The following SS18L1 variants were observed in gnomAD, a reference collection of about 807,000 sequenced individuals.
SS18L1 encodes SS18L1 subunit of BAF chromatin remodeling complex.
A neutral mutation model predicts 70.3 loss-of-function variants in SS18L1; 32 were observed. The ratio of observed to expected loss-of-function variants is 0.46; its 90% CI spans 0.34 to 0.61. SS18L1 has a LOEUF of 0.61. SS18L1 is among the 20% of genes least tolerant of loss of function. The pLI, the probability that SS18L1 is intolerant of heterozygous loss-of-function variation, is 0.01. For synonymous variants in SS18L1, 237 were observed against 229.7 expected (o/e 1.03, Z -0.29); for missense variants, 430 against 542.1 (o/e 0.79, Z 2.05).
Position 62,179,364 on chromosome 20 carries a change from G to A in SS18L1, c.*156G>A, listed in dbSNP as rs376772983. ...GTGCTCATTTCATGCTGGGTATGAC[G>A]CCGAGCGCACACCACTGGCGTGAGA... is the stretch of plus-strand genomic sequence containing the variant. On this transcript the variant is annotated 3_prime_UTR_variant, in exon 11 of 11. Transcript: ENST00000331758. 7 of 781,498 alleles carry A rather than the reference G, an allele frequency of 9.0e-6. No individual in the cohort carries two copies. The highest frequency in any genetic ancestry group is 2.6e-5 in the East Asian group (1 of 38,292). The allele number at this position is 781,498 out of a possible 1,614,324, so 48.4% of individuals were successfully genotyped here.
chr20:62,163,054 C>G, intron 5 of SS18L1, 123 bp downstream of exon 5: 1 of 1,335,008 alleles, frequency 7.5e-7, no homozygotes, highest in Non-Finnish European at 1.0e-6. Flanking sequence ...AGGGGAGGGG[C>G]CCGTGAATCG....
rs74893564 is a variant in SS18L1, at chr20:62,167,397, GA to G, written c.916+1899del. Among the ~76,000 whole-genome samples, 737 of 122,152 alleles carry G rather than the reference GA, an allele frequency of 6.0e-3. 5 individuals carry two copies. The highest frequency in any genetic ancestry group is 0.014 in the African/African-American group (462 of 33,984). 80.1% of individuals were successfully genotyped at this position (122,152 alleles called of 152,430 possible). A position where few individuals can be genotyped will look rare whatever the true frequency, so the allele number is the denominator to read the frequency against. On this transcript the variant is annotated intron_variant, in intron 8 of 10. Transcript: ENST00000331758. ...AACATGGCAAAACCCTTTCTCTCCCGAAAAAAAAAAAAAAAATGCCGGGCGT... is the reference window on the plus strand; with the variant it reads ...AACATGGCAAAACCCTTTCTCTCCCGAAAAAAAAAAAAAAATGCCGGGCGT...
chr20:62,149,281 G>A (rs929299494), intron 1 of SS18L1, among the ~76,000 whole-genome samples: 2 of 152,240 alleles, frequency 1.3e-5, no homozygotes, highest in Non-Finnish European at 2.9e-5. Context: ...AGGTCTTCCC[G>A]CCTGGTTCGG....
chr20:62,156,115 G>A (rs1211379805), intron 1 of SS18L1, among the ~76,000 whole-genome samples: 1 of 152,142 alleles, frequency 6.6e-6, no homozygotes, highest in African/African-American at 2.4e-5. Context: ...GCACACCCGC[G>A]GGGCTCTGCC....
chr20:62,162,028 C>T (rs2057339471), intron 4 of SS18L1, among the ~76,000 whole-genome samples: 1 of 152,052 alleles, frequency 6.6e-6, no homozygotes, highest in Non-Finnish European at 1.5e-5. Context: ...TGAGACCAGC[C>T]TGGGCAATAT....
At chr20:62,155,770 G>A (rs181874885) in intron 1 of SS18L1, among the ~76,000 whole-genome samples, 2 of 152,284 alleles carry the variant, frequency 1.3e-5, no homozygotes. Context: ...GCACAGTGTG[G>A]CTCAGGCCAG....
At position 62,182,461 on chromosome 20, in the gene SS18L1, T is replaced by C. The variant is rs913902782; in HGVS notation, c.*3253T>C. The C allele has an allele frequency of 2.1e-5, 4 of 189,588 alleles. No individual in the cohort carries two copies. Among genetic ancestry groups the C allele is most frequent in the African/African-American group, 9.3e-5 (4 of 42,804 alleles). 11.7% of individuals were successfully genotyped at this position (189,588 alleles called of 1,614,324 possible). ...TGTTTATGCTTTTGGTGTAATCTCT[T>C]AATAAACTGGTTCTTCAAAAATCAT... On this transcript the variant is annotated 3_prime_UTR_variant, in exon 11 of 11. Transcript: ENST00000331758.
At chr20:62,144,966 C>T (rs1392048198) in intron 1 of SS18L1, among the ~76,000 whole-genome samples, 1 of 152,244 alleles carries the variant, frequency 6.6e-6, no homozygotes, top group Non-Finnish European at 1.5e-5. Context: ...GCTGTTATTC[C>T]TTGATGACGT....
chr20:62,175,548 G>A, intron 10 of SS18L1: 1 of 682,778 alleles, frequency 1.5e-6, no homozygotes, highest in South Asian at 6.5e-5. Context: ...ATATGAAGGA[G>A]AATGGTCTGG....
At chr20:62,150,442 C>T (rs1177416577) in intron 1 of SS18L1, among the ~76,000 whole-genome samples, 2 of 152,144 alleles carry the variant, frequency 1.3e-5, no homozygotes, top group East Asian at 1.9e-4. Flanking sequence ...CCAGGCTGGT[C>T]CCCCTCACAC....
At chr20:62,170,003 G>A (rs1410733265) in intron 8 of SS18L1, among the ~76,000 whole-genome samples, 2 of 152,210 alleles carry the variant, frequency 1.3e-5, no homozygotes, top group South Asian at 2.1e-4. Flanking sequence ...TGCTGGGGCC[G>A]CCTTGGCTGC....
chr20:62,144,104 C>T (rs12481430), intron 1 of SS18L1, among the ~76,000 whole-genome samples: 1 of 150,264 alleles, frequency 6.7e-6, no homozygotes, highest in African/African-American at 2.4e-5. Context: ...CCCGGAGAGC[C>T]TGCGCCAACT....
At chr20:62,152,572 A>G (rs898980433) in intron 1 of SS18L1, among the ~76,000 whole-genome samples, 13 of 152,364 alleles carry the variant, frequency 8.5e-5, no homozygotes, top group Non-Finnish European at 1.2e-4. Context: ...ACAAGTGCAC[A>G]TCAGGAAGCT....
intron 1 of SS18L1, among the ~76,000 whole-genome samples, chr20:62,146,834 G>T (rs1227752212): frequency 1.3e-5 from 2 of 151,898 alleles, no homozygotes; most frequent in Non-Finnish European, 2.9e-5. Flanking sequence ...GGCCAGGCTG[G>T]TCTTGAACTC....
intron 10 of SS18L1, among the ~76,000 whole-genome samples, chr20:62,178,791 C>T (rs1324838720): frequency 6.6e-6 from 1 of 152,162 alleles, no homozygotes; most frequent in East Asian, 1.9e-4. Flanking sequence ...TAGATTGAAA[C>T]CCATCACCCT....
At chr20:62,151,503 C>G (rs2057128979) in intron 1 of SS18L1, among the ~76,000 whole-genome samples, 1 of 152,214 alleles carries the variant, frequency 6.6e-6, no homozygotes, top group Admixed American at 6.5e-5. Context: ...GGCCACCCCT[C>G]AGAGCCTGAG....
In SS18L1 at chr20:62,158,536, A is replaced by G; in HGVS notation, c.70-136A>G. On this transcript the variant is annotated intron_variant, in intron 1 of 10. Transcript: ENST00000331758. This position sits in a 1 kb window ranked among gnomAD's most constrained non-coding sequence, Gnocchi z 4.5. ...CTAATACAGATATCCCCAAATCTGGAAAAATCTGAAATCTGACACGTTTCA... is the reference window on the plus strand; with the variant it reads ...CTAATACAGATATCCCCAAATCTGGGAAAATCTGAAATCTGACACGTTTCA... 1.4e-6 allele frequency: 2 copies of G among 1,408,624 alleles called. No individual in the cohort carries two copies. The highest frequency in any genetic ancestry group is 2.5e-5 in the East Asian group (1 of 39,886). 87.3% of individuals were successfully genotyped at this position (1,408,624 alleles called of 1,614,324 possible).
intron 1 of SS18L1, among the ~76,000 whole-genome samples, chr20:62,156,339 G>A (rs2057222668): frequency 6.6e-6 from 1 of 152,174 alleles, no homozygotes; most frequent in Admixed American, 6.5e-5. Flanking sequence ...TGGAATGCTG[G>A]CGCCTGGCAG....
Position 62,179,306 on chromosome 20 carries a change from C to G in SS18L1, c.*98C>G, listed in dbSNP as rs900808512. On this transcript the variant is annotated 3_prime_UTR_variant, in exon 11 of 11. Transcript: ENST00000331758. ...TGGTGAATTGTGACATGTTGGTTAC[C>G]TGTTCGCCCAGTGCCACGTCTGCAT... is the stretch of plus-strand genomic sequence containing the variant. 2 of 1,417,120 alleles carry G rather than the reference C, an allele frequency of 1.4e-6. No homozygotes were observed. The highest frequency in any genetic ancestry group is 2.8e-5 in the African/African-American group (2 of 71,052). The allele number at this position is 1,417,120 out of a possible 1,614,324, so 87.8% of individuals were successfully genotyped here.
Sources: allele counts gnomAD v4.1 joint callset (sites outside exome capture counted in the v4.1 genomes callset), GRCh38; gene constraint gnomAD v4.1.1; non-coding constraint Gnocchi (gnomAD v3.1); transcripts MANE v1.5; gene names NCBI Gene and HGNC (gene_info 2026-07-23, HGNC 2026-07-21).